The following FILIP1L variants were observed in gnomAD, a reference collection of about 807,000 sequenced individuals.
FILIP1L encodes the protein filamin A-interacting protein 1-like.
FILIP1L carries 55 observed loss-of-function variants against 96.6 expected under a neutral mutation model. That is an observed-to-expected ratio of 0.57 (90% CI 0.46 to 0.71). The LOEUF (loss-of-function observed/expected upper bound fraction) is 0.71. Among genes scored for constraint, FILIP1L ranks in the 30% least tolerant of loss-of-function variants. The pLI, the probability that FILIP1L is intolerant of heterozygous loss-of-function variation, is 0.00. For missense variants in FILIP1L, 1,304 were observed against 1,321.2 expected, an observed-to-expected ratio of 0.99 and a Z score of 0.20; for synonymous variants, 467 against 473.9, an observed-to-expected ratio of 0.99 and a Z score of 0.19.
At position 99,875,361 on chromosome 3, in the gene FILIP1L, T is replaced by G. The variant is rs183688126; in HGVS notation, c.606-24291A>C. 3.8e-3 allele frequency among the ~76,000 whole-genome samples: 577 copies of G among 152,298 alleles called. 3 individuals are homozygous for G. Among genetic ancestry groups the G allele is most frequent in the African/African-American group, 0.013 (549 of 41,560 alleles). ...TAAGTTTTACCTTTTAAATTGGCAT[T>G]TTTTACATAATATACTACTATCCAA... On this transcript the variant is annotated intron_variant, in intron 4 of 5. Transcript: ENST00000477258.
intron 4 of FILIP1L, among the ~76,000 whole-genome samples, chr3:99,854,940 A>C (rs1576516402): frequency 1.3e-5 from 2 of 152,226 alleles, no homozygotes; most frequent in African/African-American, 4.8e-5. Context: ...GAATCTTGTT[A>C]AACTGCAGAC....
At chr3:99,878,297 A>C (rs924644886) in intron 4 of FILIP1L, among the ~76,000 whole-genome samples, 4 of 152,256 alleles carry the variant, frequency 2.6e-5, no homozygotes, top group African/African-American at 4.8e-5. Flanking sequence ...GTGCTCTACA[A>C]GCATTTCATC....
intron 1 of FILIP1L, among the ~76,000 whole-genome samples, chr3:100,045,176 A>G (rs2065259487): frequency 6.6e-6 from 1 of 152,270 alleles, no homozygotes; most frequent in Non-Finnish European, 1.5e-5. Flanking sequence ...AGCTGCGAAT[A>G]TGACCTCTCG....
intron 1 of FILIP1L, among the ~76,000 whole-genome samples, chr3:99,952,926 G>T (rs62283534): frequency 6.6e-6 from 1 of 152,140 alleles, no homozygotes; most frequent in African/African-American, 2.4e-5. Flanking sequence ...GCAATGGATT[G>T]TAGATAGTTT....
intron 1 of FILIP1L, among the ~76,000 whole-genome samples, chr3:100,036,852 T>C (rs931184188): frequency 2.6e-5 from 4 of 152,222 alleles, no homozygotes; most frequent in Admixed American, 1.3e-4. Flanking sequence ...CTTGTGCTTC[T>C]TGATATTACG....
At chr3:99,869,629 C>G (rs1008438623) in intron 4 of FILIP1L, among the ~76,000 whole-genome samples, 89 of 152,242 alleles carry the variant, frequency 5.8e-4, no homozygotes, top group African/African-American at 2.1e-3. Context: ...TTCTCATGTT[C>G]TCTCTAGGCT....
chr3:99,859,889 CT>C, intron 4 of FILIP1L, among the ~76,000 whole-genome samples: 1 of 152,256 alleles, frequency 6.6e-6, no homozygotes, highest in East Asian at 1.9e-4. Context: ...TGTGACCCGT[CT>C]TTTTTATTCT....
Position 99,849,267 on chromosome 3 carries a change from T to C in FILIP1L, c.2409A>G (p.Glu803=). 6.2e-7 allele frequency: 1 copy of C among 1,614,186 alleles called. No individual in the cohort carries two copies. ...PQVFSKEVQT[E]AVDNEPPDYK... is the part of the protein sequence containing the mutation. Reference sequence around the variant, plus strand: ...AATCAGGTGGTTCATTGTCTACTGCTTCTGTCTGAACTTCTTTAGAAAATA... The same window carrying C: ...AATCAGGTGGTTCATTGTCTACTGCCTCTGTCTGAACTTCTTTAGAAAATA... Residue 803 remains glutamate (E), a synonymous_variant, in exon 5 of 6, where the codon GAA becomes GAG. Coordinates refer to ENST00000477258, the MANE Select transcript of FILIP1L (RefSeq NM_001387850.1).
intron 1 of FILIP1L, among the ~76,000 whole-genome samples, chr3:100,105,699 T>A (rs1460293838): frequency 6.6e-6 from 1 of 152,168 alleles, no homozygotes; most frequent in Non-Finnish European, 1.5e-5. Context: ...GAAAAACAAC[T>A]GCTAGGTCAA....
At chr3:99,835,227 G>T (rs1576495437) in intron 5 of FILIP1L, among the ~76,000 whole-genome samples, 1 of 152,134 alleles carries the variant, frequency 6.6e-6, no homozygotes, top group South Asian at 2.1e-4. Flanking sequence ...AATCACCTTT[G>T]ACCCAGAAAA....
At position 100,112,123 on chromosome 3, in the gene FILIP1L, A is replaced by G. The variant is rs79867506; in HGVS notation, c.-11+1930T>C. ...ATTACTATAAAAGTGTTCCCCTAAT[A>G]TAACTAAACAAACTTACTGTGTATT... On this transcript the variant is annotated intron_variant, in intron 1 of 5. Coordinates refer to ENST00000477258, the MANE Select transcript of FILIP1L (RefSeq NM_001387850.1). 3.5e-3 allele frequency among the ~76,000 whole-genome samples: 537 copies of G among 152,338 alleles called. 2 individuals are homozygous for G. The highest frequency in any genetic ancestry group is 0.012 in the African/African-American group (511 of 41,586).
chr3:100,023,158 C>T (rs1236675501), intron 1 of FILIP1L, among the ~76,000 whole-genome samples: 1 of 152,198 alleles, frequency 6.6e-6, no homozygotes, highest in Non-Finnish European at 1.5e-5. Flanking sequence ...CCTTCTGGCC[C>T]AGACCAGGTG....
At chr3:100,066,381 T>C (rs903311374) in intron 1 of FILIP1L, among the ~76,000 whole-genome samples, 1 of 152,220 alleles carries the variant, frequency 6.6e-6, no homozygotes, top group Non-Finnish European at 1.5e-5. Context: ...AGAATTCTTA[T>C]GGAACTGGAT....
intron 1 of FILIP1L, among the ~76,000 whole-genome samples, chr3:99,988,541 G>GA (rs1052028825): frequency 8.2e-5 from 12 of 145,712 alleles, no homozygotes; most frequent in African/African-American, 2.0e-4. Context: ...GAAAGAAAAG[G>GA]AAAAAAAAAG....
At chr3:99,831,973 C>T (rs1353738726) in intron 5 of FILIP1L, among the ~76,000 whole-genome samples, 1 of 152,166 alleles carries the variant, frequency 6.6e-6, no homozygotes, top group East Asian at 1.9e-4. Flanking sequence ...ATTGGTATGA[C>T]ACACAGTATT....
In FILIP1L at chr3:99,998,072, C is replaced by A. The variant is rs376394225; in HGVS notation, c.-10-67042G>T. Among the ~76,000 whole-genome samples, 366 of 152,318 alleles carry A rather than the reference C, an allele frequency of 2.4e-3. 1 individual carries two copies. Among genetic ancestry groups the A allele is most frequent in the African/African-American group, 8.3e-3 (345 of 41,574 alleles). ...ACAAGTTAACTAGTGTTTAGTTTAA[C>A]TTGTGAGTTAAAACCAGTTAACTGG... On this transcript the variant is annotated intron_variant, in intron 1 of 5. Transcript: ENST00000477258.
At chr3:100,023,572 G>A (rs578065590) in intron 1 of FILIP1L, 4 of 152,674 alleles carry the variant, frequency 2.6e-5, no homozygotes, top group South Asian at 2.1e-4. Context: ...GAACATTTTT[G>A]TAAACAGATC....
chr3:99,984,538 G>A (rs756322817), intron 1 of FILIP1L, among the ~76,000 whole-genome samples: 13 of 152,072 alleles, frequency 8.5e-5, no homozygotes, highest in Non-Finnish European at 1.6e-4. Flanking sequence ...CTAGCCCCTG[G>A]TCACTGAAAC....
rs1358487309 is a variant in FILIP1L, at chr3:100,091,024, G to A, written c.-11+23029C>T. On this transcript the variant is annotated intron_variant, in intron 1 of 5. Coordinates refer to ENST00000477258, the MANE Select transcript of FILIP1L (RefSeq NM_001387850.1). Reference sequence around the variant, plus strand: ...CTTAGGCCCGGGCACAGTGGCTCACGCCTGTAATCCCAGAACTTTGGGAGG... The same window carrying A: ...CTTAGGCCCGGGCACAGTGGCTCACACCTGTAATCCCAGAACTTTGGGAGG... Among the ~76,000 whole-genome samples, 3 of 152,136 alleles carry A rather than the reference G, an allele frequency of 2.0e-5. No homozygotes were observed. In the East Asian group the frequency reaches 5.8e-4, roughly 29 times the overall value.
Sources: gnomAD v4.1 joint callset for allele counts (sites outside exome capture counted in the v4.1 genomes callset) on GRCh38, gnomAD v4.1.1 for gene constraint, MANE v1.5 for transcripts, NCBI Gene and HGNC (gene_info 2026-07-23, HGNC 2026-07-21) for gene names.